EFNB2: variants seen among roughly 807,000 people sequenced by gnomAD.
The protein encoded by EFNB2 is ephrin-B2.
EFNB2 carries 5 observed loss-of-function variants against 32.1 expected under a neutral mutation model. That is an observed-to-expected ratio of 0.16 (90% confidence interval 0.08 to 0.33). The LOEUF is 0.33. EFNB2 is among the 10% of genes least tolerant of loss of function. The pLI is 1.00. For synonymous variants in EFNB2, 168 were observed against 166.5 expected, an observed-to-expected ratio of 1.01 and a Z score of -0.07; for missense variants, 263 against 422.6, an observed-to-expected ratio of 0.62 and a Z score of 3.31.
Position 106,535,074 on chromosome 13 carries a change from CCG to C in EFNB2, c.-112_-111del. The C allele has an allele frequency of 6.8e-7, 1 of 1,468,704 alleles. No homozygotes were observed. The allele number at this position is 1,468,704 out of a possible 1,614,324, so 91.0% of individuals were successfully genotyped here. ...GACTGGCGGGGAAGACGGCGTGCGC[CCG>C]CAGGCAGCTCCGAGGCGCGCTGCGC... On this transcript the variant is annotated 5_prime_UTR_variant, in exon 1 of 5. Transcript: ENST00000646441.
intron 2 of EFNB2, among the ~76,000 whole-genome samples, chr13:106,496,488 TCTTCAACCAAA>T (rs1283332343): frequency 6.6e-6 from 1 of 152,192 alleles, no homozygotes; most frequent in African/African-American, 2.4e-5. Context: ...TTAGTCAACC[TCTTCAACCAAA>T]CTACCTGTTG....
At chr13:106,496,781 A>G (rs1878606323) in intron 2 of EFNB2, among the ~76,000 whole-genome samples, 1 of 152,218 alleles carries the variant, frequency 6.6e-6, no homozygotes, top group African/African-American at 2.4e-5. Flanking sequence ...ATAGCTTTGT[A>G]ACTCAAGCTG....
At chr13:106,497,911 T>C (rs898467923) in intron 2 of EFNB2, among the ~76,000 whole-genome samples, 1 of 152,220 alleles carries the variant, frequency 6.6e-6, no homozygotes, top group Admixed American at 6.5e-5. Context: ...ATTTGATTTT[T>C]CTAAAAAATT....
intron 2 of EFNB2, among the ~76,000 whole-genome samples, chr13:106,496,688 T>C (rs1373811376): frequency 1.4e-5 from 2 of 140,668 alleles, no homozygotes; most frequent in African/African-American, 5.0e-5. Flanking sequence ...CATTTTACCA[T>C]TTTCAGCATT....
intron 1 of EFNB2, chr13:106,517,157 G>A (rs1046478785): frequency 1.3e-5 from 2 of 152,192 alleles, no homozygotes; most frequent in African/African-American, 4.8e-5. Context: ...CTTTGAAAGT[G>A]TTAAAAAGAA....
At chr13:106,533,361 C>T (rs2138950400) in intron 1 of EFNB2, among the ~76,000 whole-genome samples, 1 of 152,282 alleles carries the variant, frequency 6.6e-6, no homozygotes, top group East Asian at 1.9e-4. Context: ...GCCTCCCGAG[C>T]CGGCATCGAT....
intron 1 of EFNB2, among the ~76,000 whole-genome samples, chr13:106,534,082 G>A (rs1461717523): frequency 6.6e-6 from 1 of 152,184 alleles, no homozygotes; most frequent in African/African-American, 2.4e-5. Context: ...CGACTGGGCA[G>A]GGCCCTAAGC....
chr13:106,530,300 A>G (rs563749680), intron 1 of EFNB2, among the ~76,000 whole-genome samples: 19 of 152,238 alleles, frequency 1.2e-4, no homozygotes, highest in African/African-American at 4.6e-4. Flanking sequence ...TCCCTGAAAG[A>G]GCTAATTCCT....
chr13:106,523,905 A>G (rs1412875481), intron 1 of EFNB2, among the ~76,000 whole-genome samples: 1 of 152,244 alleles, frequency 6.6e-6, no homozygotes, highest in Non-Finnish European at 1.5e-5. Flanking sequence ...TTAGCTTGAC[A>G]CACACTCAGC....
In EFNB2 at chr13:106,501,624, G is replaced by A. The variant is rs575424387; in HGVS notation, c.407-5784C>T. On this transcript the variant is annotated intron_variant, in intron 2 of 4. Coordinates refer to ENST00000646441, the MANE Select transcript of EFNB2 (RefSeq NM_004093.4). Reference sequence around the variant, plus strand: ...TTTTTTTTTTTTGAGACGGAGTCTCGCTCTGTCACCCAGGCTGGAGTGCAG... The same window carrying A: ...TTTTTTTTTTTTGAGACGGAGTCTCACTCTGTCACCCAGGCTGGAGTGCAG... Among the ~76,000 whole-genome samples the A allele has an allele frequency of 2.2e-4, 33 of 149,074 alleles. No homozygotes were observed. In the East Asian group the frequency reaches 5.5e-3, roughly 25 times the overall value.
At position 106,494,919 on chromosome 13, in the gene EFNB2, C is replaced by G; in HGVS notation, c.575G>C (p.Arg192Thr). Residue 192 changes from arginine to threonine, a missense_variant, in exon 4 of 5, where the codon AGA becomes ACA. Transcript: ENST00000646441. The stretch of plus-strand genomic sequence containing the variant: ...TACAAAGGGACTTGTTGTCGAACTT[C>G]TTCCATTTGTACCAGCTTCTAGTTC... ...RPELEAGTNGRSSTTSPFVKP... is the reference protein window; with the variant it reads ...RPELEAGTNGTSSTTSPFVKP... The G allele has an allele frequency of 6.2e-7, 1 of 1,614,168 alleles. No homozygotes were observed. Among genetic ancestry groups the G allele is most frequent in the Non-Finnish European group, 8.5e-7 (1 of 1,180,012 alleles).
intron 2 of EFNB2, among the ~76,000 whole-genome samples, chr13:106,510,713 CT>C (rs1879114674): frequency 1.3e-5 from 2 of 152,144 alleles, no homozygotes; most frequent in South Asian, 4.1e-4. Flanking sequence ...AAAAGTCTTA[CT>C]TTAAAAGTCT....
chr13:106,507,196 A>G (rs1878981521), intron 2 of EFNB2, among the ~76,000 whole-genome samples: 1 of 152,206 alleles, frequency 6.6e-6, no homozygotes, highest in South Asian at 2.1e-4. Context: ...ATGGGATTAC[A>G]TTTAATGATG....
chr13:106,512,872 T>A, intron 1 of EFNB2, 60 bp from the exon 2 acceptor site: 1 of 1,413,510 alleles, frequency 7.1e-7, no homozygotes, highest in Non-Finnish European at 9.4e-7. Flanking sequence ...TTAATGACAG[T>A]TACAAGATAG....
chr13:106,501,825 C>A (rs1878793583), intron 2 of EFNB2, among the ~76,000 whole-genome samples: 1 of 152,186 alleles, frequency 6.6e-6, no homozygotes, highest in Non-Finnish European at 1.5e-5. Context: ...ATCTCCTGAC[C>A]TCGTGATCCG....
At chr13:106,530,869 T>C (rs1879848841) in intron 1 of EFNB2, among the ~76,000 whole-genome samples, 1 of 152,240 alleles carries the variant, frequency 6.6e-6, no homozygotes, top group African/African-American at 2.4e-5. Context: ...ATTATCTCAC[T>C]GATCCACCAA....
Position 106,493,365 on chromosome 13 carries a change from G to T in EFNB2, c.677C>A (p.Ala226Asp). 1 of 1,614,154 alleles carries T rather than the reference G, an allele frequency of 6.2e-7. No homozygotes were observed. Among genetic ancestry groups the T allele is most frequent in the Non-Finnish European group, 8.5e-7 (1 of 1,180,042 alleles). ...SGNNILGSEV[A>D]LFAGIASGCI... ...TCCTGAAGCAATCCCTGCAAATAAG[G>T]CCACTTCGGAACCGAGGATGTTGTT... Residue 226 changes from alanine to aspartate, a missense_variant, in exon 5 of 5, where the codon GCC becomes GAC. Around this residue, in one of 3 missense-constraint regions of EFNB2, gnomAD observed 172 missense variants for 237.1 expected, o/e 0.73. Transcript: ENST00000646441. This position sits in a 1 kb window ranked among gnomAD's most constrained non-coding sequence, Gnocchi z 6.1.
At chr13:106,498,226 T>A (rs1878655232) in intron 2 of EFNB2, among the ~76,000 whole-genome samples, 1 of 152,070 alleles carries the variant, frequency 6.6e-6, no homozygotes, top group South Asian at 2.1e-4. Context: ...TTTATTTTAA[T>A]CTTGAGGGGG....
At chr13:106,533,740 C>A (rs533515720) in intron 1 of EFNB2, among the ~76,000 whole-genome samples, 1 of 152,296 alleles carries the variant, frequency 6.6e-6, no homozygotes, top group African/African-American at 2.4e-5. Flanking sequence ...TGATCTCAAA[C>A]GTTTTCTCCA....
Sources: gnomAD v4.1 joint callset for allele counts (sites outside exome capture counted in the v4.1 genomes callset) on GRCh38, gnomAD v4.1.1 for gene constraint, gnomAD v4.1.1 regional missense constraint, Gnocchi (gnomAD v3.1) non-coding constraint, MANE v1.5 for transcripts, NCBI Gene and HGNC (gene_info 2026-07-23, HGNC 2026-07-21) for gene names.